The following ETFDH variants were observed in gnomAD, a reference collection of about 807,000 sequenced individuals.
ETFDH encodes the protein electron transfer flavoprotein dehydrogenase, also known as electron transfer flavoprotein-ubiquinone oxidoreductase, mitochondrial.
Under a neutral mutation model 73.2 loss-of-function variants are expected in ETFDH, and 61 were observed. The observed-to-expected ratio is 0.83, with a 90% CI of 0.68 to 1.03. The LOEUF (loss-of-function observed/expected upper bound fraction) is 1.03, where lower values mean the gene tolerates loss of function less well. Ranked by LOEUF, ETFDH falls within the 50% of genes least tolerant of loss-of-function variation. ETFDH has a pLI of 0.00. For synonymous variants in ETFDH, 243 were observed against 253.3 expected, an observed-to-expected ratio of 0.96 and a Z score of 0.39; for missense variants, 685 against 745.0, an observed-to-expected ratio of 0.92 and a Z score of 0.94.
intron 9 of ETFDH, among the ~76,000 whole-genome samples, chr4:158,699,820 C>T (rs1490033128): frequency 6.6e-6 from 1 of 152,106 alleles, no homozygotes; most frequent in Non-Finnish European, 1.5e-5. Context: ...TTTTTGTATA[C>T]ATTCAAAATC....
chr4:158,694,816 C>T (rs1241718800), intron 6 of ETFDH, among the ~76,000 whole-genome samples: 1 of 151,936 alleles, frequency 6.6e-6, no homozygotes, highest in Non-Finnish European at 1.5e-5. Flanking sequence ...TCTAAGAGGG[C>T]CACTCCTGGG....
At chr4:158,698,785 C>T (rs908935535) in intron 8 of ETFDH, among the ~76,000 whole-genome samples, 3 of 152,142 alleles carry the variant, frequency 2.0e-5, no homozygotes, top group Admixed American at 1.3e-4. Context: ...TAAACACATG[C>T]TATCCTTTTC....
At position 158,698,836 on chromosome 4, in the gene ETFDH, A is replaced by G. The variant is rs1173018235; in HGVS notation, c.973-151A>G. The G allele has an allele frequency of 5.2e-6, 3 of 577,524 alleles. No individual in the cohort carries two copies. In the African/African-American group the frequency reaches 5.6e-5, roughly 11 times the overall value. 35.8% of individuals were successfully genotyped at this position (577,524 alleles called of 1,614,324 possible). ...CCAAACAGATTTTATACAATTTTTAATTTACATTTGGATTACTGCACATAG... is the reference window on the plus strand; with the variant it reads ...CCAAACAGATTTTATACAATTTTTAGTTTACATTTGGATTACTGCACATAG... On this transcript the variant is annotated intron_variant, in intron 8 of 12. Coordinates refer to ENST00000511912, the MANE Select transcript of ETFDH (RefSeq NM_004453.4).
chr4:158,675,583 C>A (rs1380967393), intron 1 of ETFDH, among the ~76,000 whole-genome samples: 6 of 151,902 alleles, frequency 3.9e-5, no homozygotes, highest in Non-Finnish European at 7.4e-5. Flanking sequence ...CTTACACAAC[C>A]CAGTGAGACT....
chr4:158,688,744 C>T (rs970019338), intron 5 of ETFDH, among the ~76,000 whole-genome samples: 2 of 152,210 alleles, frequency 1.3e-5, no homozygotes, highest in African/African-American at 4.8e-5. Flanking sequence ...ATGCATATCA[C>T]AGGCCAAGAC....
chr4:158,673,133 A>G (rs1773621388), intron 1 of ETFDH, among the ~76,000 whole-genome samples: 1 of 152,138 alleles, frequency 6.6e-6, no homozygotes, highest in Non-Finnish European at 1.5e-5. Flanking sequence ...GTGAAACCCC[A>G]TCTCTACTAA....
At position 158,703,467 on chromosome 4, in the gene ETFDH, T is replaced by C. The variant is rs756575072; in HGVS notation, c.1161T>C (p.Cys387=). 1 of 1,612,048 alleles carries C rather than the reference T, an allele frequency of 6.2e-7. No individual in the cohort carries two copies. The highest frequency in any genetic ancestry group is 8.5e-7 in the Non-Finnish European group (1 of 1,178,190). ...TTCCTGGTGGTTTACTAATTGGTTG[T>C]AGTCCTGGTTTTATGAATGTTCCCA... The part of the protein sequence containing the change: ...LTFPGGLLIG[C]SPGFMNVPKI... The change falls in exon 10 of 13, where the codon TGT becomes TGC. Residue 387 remains cysteine, a synonymous_variant. Coordinates refer to ENST00000511912, the MANE Select transcript of ETFDH (RefSeq NM_004453.4).
intron 6 of ETFDH, among the ~76,000 whole-genome samples, chr4:158,692,888 AAC>A (rs70962623): frequency 0.46 from 54,614 of 118,314 alleles, 11,824 homozygotes; most frequent in Middle Eastern, 0.56. Context: ...AAAAAAAAAA[AAC>A]ATATATATAT....
intron 1 of ETFDH, among the ~76,000 whole-genome samples, chr4:158,673,695 G>C (rs1458971882): frequency 6.6e-6 from 1 of 152,182 alleles, no homozygotes; most frequent in Non-Finnish European, 1.5e-5. Flanking sequence ...TGTTTGGAAC[G>C]TTAAAGTAGT....
chr4:158,704,107 C>CA lies in ETFDH; in HGVS notation c.1285+522dup, dbSNP rs549412027. On this transcript the variant is annotated intron_variant, in intron 10 of 12. Coordinates refer to ENST00000511912, the MANE Select transcript of ETFDH (RefSeq NM_004453.4). ...AGAGCAAAACTCCATCCCCCACACA[C>CA]AAAAAAGAAAAGAACCAGTGGTGTC... is the stretch of plus-strand genomic sequence containing the variant. 3.4e-3 allele frequency among the ~76,000 whole-genome samples: 516 copies of CA among 152,142 alleles called. 2 individuals are homozygous for CA. The highest frequency in any genetic ancestry group is 0.012 in the African/African-American group (488 of 41,528).
chr4:158,700,448 A>G (rs1774427886), intron 9 of ETFDH, among the ~76,000 whole-genome samples: 3 of 152,132 alleles, frequency 2.0e-5, no homozygotes, highest in Non-Finnish European at 4.4e-5. Flanking sequence ...AGTATATTCA[A>G]TAGTACACCC....
intron 6 of ETFDH, among the ~76,000 whole-genome samples, chr4:158,690,756 G>T (rs902992002): frequency 2.6e-5 from 4 of 152,030 alleles, no homozygotes; most frequent in Admixed American, 2.0e-4. Flanking sequence ...TAATTATATG[G>T]GTGTTGGGAT....
chr4:158,697,897 C>CT (rs1252787985), intron 8 of ETFDH, among the ~76,000 whole-genome samples, 198 bp downstream of exon 8: 1 of 152,222 alleles, frequency 6.6e-6, no homozygotes, highest in East Asian at 1.9e-4. Flanking sequence ...ATAGTAGCTG[C>CT]TACACTCCAG....
chr4:158,689,595 C>CATATATATAT (rs573706904), intron 5 of ETFDH, among the ~76,000 whole-genome samples: 74 of 32,760 alleles, frequency 2.3e-3, no homozygotes, highest in Non-Finnish European at 3.0e-3. Flanking sequence ...ATAAAACCTT[C>CATATATATAT]ATATATATAT....
In ETFDH at chr4:158,709,505, C is replaced by G. The variant is rs567762149; in HGVS notation, c.*978C>G. The G allele has an allele frequency of 3.1e-6, 1 of 321,398 alleles. No individual in the cohort carries two copies. Among genetic ancestry groups the G allele is most frequent in the African/African-American group, 2.2e-5 (1 of 46,296 alleles). The allele number at this position is 321,398 out of a possible 1,614,324, so 19.9% of individuals were successfully genotyped here. A position where few individuals can be genotyped will look rare whatever the true frequency, so the allele number is the denominator to read the frequency against. On this transcript the variant is annotated 3_prime_UTR_variant, in exon 13 of 13. Transcript: ENST00000511912. The stretch of plus-strand genomic sequence containing the variant: ...CGAGATTGCGCCACCGCACTCCAGC[C>G]TGGGTGACAGAGCAAGACTCCATCT...
At chr4:158,697,425 T>C (rs1774336210) in intron 7 of ETFDH, 134 bp from the exon 8 acceptor site, 1 of 773,900 alleles carries the variant, frequency 1.3e-6, no homozygotes, top group Admixed American at 2.6e-5. Context: ...TTTTGTTGTA[T>C]TCTTATATCA....
chr4:158,688,782 G>A (rs569294660), intron 5 of ETFDH, among the ~76,000 whole-genome samples: 25 of 152,284 alleles, frequency 1.6e-4, no homozygotes, highest in African/African-American at 5.8e-4. Flanking sequence ...AAATAGCCAG[G>A]TAGATACAAT....
chr4:158,697,679 C>G lies in ETFDH; in HGVS notation c.952C>G (p.Leu318Val). The G allele has an allele frequency of 5.0e-6, 8 of 1,613,770 alleles. No individual in the cohort carries two copies. Among genetic ancestry groups the G allele is most frequent in the Non-Finnish European group, 6.8e-6 (8 of 1,179,822 alleles). The change falls in exon 8 of 13, where the codon CTA (leucine) becomes GTA (valine). Residue 318 changes from leucine to valine, a missense_variant. This residue lies in a region of ETFDH where 405 missense variants were observed against 399.3 expected (regional missense o/e 1.01). Transcript: ENST00000511912. The part of the protein sequence containing the change: ...FLYHLNEGEP[L>V]VALGLVVGLD... Reference sequence around the variant, plus strand: ...CTATCATTTGAATGAAGGTGAACCCCTAGTAGCTCTTGGTCTTGTGGTAAG... The same window carrying G: ...CTATCATTTGAATGAAGGTGAACCCGTAGTAGCTCTTGGTCTTGTGGTAAG...
chr4:158,707,208 C>T (rs1226919043), intron 12 of ETFDH, among the ~76,000 whole-genome samples: 1 of 152,228 alleles, frequency 6.6e-6, no homozygotes, highest in Non-Finnish European at 1.5e-5. Context: ...TGATTACATT[C>T]AGTCCAAGGA....
Sources: allele counts gnomAD v4.1 joint callset (sites outside exome capture counted in the v4.1 genomes callset), GRCh38; gene constraint gnomAD v4.1.1; regional missense constraint gnomAD v4.1.1; transcripts MANE v1.5; gene names NCBI Gene and HGNC (gene_info 2026-07-23, HGNC 2026-07-21).